Variants in CDH13 observed in about 807,000 individuals in gnomAD.
The protein encoded by CDH13 is cadherin 13, also known as cadherin-13.
CDH13 carries 24 observed loss-of-function variants against 63.8 expected under a neutral mutation model. The observed-to-expected ratio is 0.38, with a 90% CI of 0.27 to 0.53. The LOEUF (loss-of-function observed/expected upper bound fraction) is 0.53, where lower values mean the gene tolerates loss of function less well. CDH13 is among the 20% of genes least tolerant of loss of function. CDH13 has a pLI of 0.85. For synonymous variants in CDH13, 503 were observed against 355.3 expected (o/e 1.42, Z -4.67); for missense variants, 1,049 against 903.1 (o/e 1.16, Z -2.07).
intron 2 of CDH13, among the ~76,000 whole-genome samples, chr16:82,983,421 T>C (rs533484277): frequency 1.3e-5 from 2 of 152,260 alleles, no homozygotes; most frequent in East Asian, 1.9e-4. Flanking sequence ...TTATATGTCA[T>C]AGTCTGAGTT....
intron 2 of CDH13, among the ~76,000 whole-genome samples, chr16:83,005,690 C>G (rs1441965015): frequency 6.6e-6 from 1 of 152,224 alleles, no homozygotes; most frequent in Admixed American, 6.5e-5. Flanking sequence ...TGCCTTCTCA[C>G]CAGAAGTACC....
At chr16:83,624,590 G>T (rs1351527954) in intron 8 of CDH13, among the ~76,000 whole-genome samples, 3 of 152,118 alleles carry the variant, frequency 2.0e-5, no homozygotes, top group Non-Finnish European at 2.9e-5. Flanking sequence ...CTGACAGGAG[G>T]CGGTGCTCAG....
intron 5 of CDH13, among the ~76,000 whole-genome samples, chr16:83,302,717 A>G (rs904775729): frequency 1.6e-4 from 25 of 152,214 alleles, no homozygotes; most frequent in African/African-American, 5.5e-4. Context: ...TACAAAATAA[A>G]TGCCAGAAGA....
At chr16:83,537,477 A>G (rs1294366195) in intron 7 of CDH13, among the ~76,000 whole-genome samples, 1 of 152,218 alleles carries the variant, frequency 6.6e-6, no homozygotes, top group African/African-American at 2.4e-5. Context: ...TGGTAGTTAT[A>G]TGATTGTTTA....
chr16:82,825,049 A>C (rs1244858222), intron 1 of CDH13: 1 of 152,208 alleles, frequency 6.6e-6, no homozygotes, highest in Non-Finnish European at 1.5e-5. Context: ...CAGGTGAGCT[A>C]ATGGTAGCCA....
At chr16:83,292,500 C>T (rs2089488924) in intron 5 of CDH13, among the ~76,000 whole-genome samples, 1 of 152,148 alleles carries the variant, frequency 6.6e-6, no homozygotes, top group African/African-American at 2.4e-5. Context: ...AGCTTTGGGC[C>T]ACAGCGACAA....
At chr16:83,514,842 C>G (rs755204029) in intron 7 of CDH13, among the ~76,000 whole-genome samples, 1 of 152,116 alleles carries the variant, frequency 6.6e-6, no homozygotes, top group Non-Finnish European at 1.5e-5. Flanking sequence ...AGGAAGGACT[C>G]TTGTAGATGT....
intron 2 of CDH13, among the ~76,000 whole-genome samples, chr16:82,923,032 T>A (rs940875803): frequency 2.6e-5 from 4 of 152,108 alleles, no homozygotes; most frequent in African/African-American, 7.2e-5. Flanking sequence ...TTAGAAAGTA[T>A]ATACCTTAAA....
chr16:82,815,343 T>G (rs1226523784), intron 1 of CDH13, among the ~76,000 whole-genome samples: 1 of 152,148 alleles, frequency 6.6e-6, no homozygotes, highest in East Asian at 1.9e-4. Flanking sequence ...TCTGCCTCAG[T>G]TTCCTCACCT....
At chr16:83,208,470 G>A (rs78932165) in intron 4 of CDH13, among the ~76,000 whole-genome samples, 1 of 147,320 alleles carries the variant, frequency 6.8e-6, no homozygotes, top group African/African-American at 2.5e-5. Flanking sequence ...AGGCAACAGT[G>A]TTTTTTTTTT....
intron 5 of CDH13, among the ~76,000 whole-genome samples, chr16:83,265,971 C>G (rs193050243): frequency 6.6e-6 from 1 of 152,054 alleles, no homozygotes; most frequent in Non-Finnish European, 1.5e-5. Context: ...GATTCTCGCT[C>G]TGTCGCCCAG....
intron 3 of CDH13, among the ~76,000 whole-genome samples, chr16:83,120,751 C>G (rs1363622996): frequency 8.1e-6 from 1 of 122,908 alleles, no homozygotes; most frequent in Non-Finnish European, 1.6e-5. Context: ...ACAACGCGCT[C>G]TAATTTTCTT....
At chr16:82,669,207 T>C (rs1912955816) in intron 1 of CDH13, among the ~76,000 whole-genome samples, 1 of 152,216 alleles carries the variant, frequency 6.6e-6, no homozygotes, top group Non-Finnish European at 1.5e-5. Context: ...TCCTCTCTGG[T>C]AGCCTTTGGG....
At chr16:83,651,516 C>G (rs1464748330) in intron 8 of CDH13, among the ~76,000 whole-genome samples, 1 of 147,868 alleles carries the variant, frequency 6.8e-6, no homozygotes, top group Non-Finnish European at 1.5e-5. Flanking sequence ...CCAAAAGTCA[C>G]AAAGATAACA....
chr16:83,417,479 G>T (rs149050694), intron 6 of CDH13, among the ~76,000 whole-genome samples: 1 of 152,082 alleles, frequency 6.6e-6, no homozygotes, highest in Admixed American at 6.6e-5. Context: ...CCTGGTCACC[G>T]TGCTCTTGCC....
chr16:82,918,095 C>A (rs1005282334), intron 2 of CDH13, among the ~76,000 whole-genome samples: 3 of 152,242 alleles, frequency 2.0e-5, no homozygotes, highest in Non-Finnish European at 2.9e-5. Context: ...TGCGAGGCAG[C>A]TGGTGCCCTG....
At chr16:83,618,750 A>AT (rs200785891) in intron 8 of CDH13, among the ~76,000 whole-genome samples, 1 of 152,180 alleles carries the variant, frequency 6.6e-6, no homozygotes, top group East Asian at 1.9e-4. Flanking sequence ...AAAAAGAAAA[A>AT]AAATCAAGAA....
intron 13 of CDH13, among the ~76,000 whole-genome samples, chr16:83,791,373 G>A (rs1349204056): frequency 6.6e-6 from 1 of 151,986 alleles, no homozygotes; most frequent in Admixed American, 6.6e-5. Context: ...GCACACACCT[G>A]TAATCCCAGC....
At chr16:83,332,190 A>G (rs534721218) in intron 5 of CDH13, among the ~76,000 whole-genome samples, 5 of 152,094 alleles carry the variant, frequency 3.3e-5, no homozygotes, top group African/African-American at 7.2e-5. Context: ...GTTTATTTTC[A>G]TATAATATTT....
Sources: gnomAD v4.1 joint callset for allele counts (sites outside exome capture counted in the v4.1 genomes callset) on GRCh38, gnomAD v4.1.1 for gene constraint, MANE v1.5 for transcripts, NCBI Gene and HGNC (gene_info 2026-07-23, HGNC 2026-07-21) for gene names.